CSTPP1: variants seen among roughly 807,000 people sequenced by gnomAD.
The protein encoded by CSTPP1 is UPF0705 protein C11orf49.
the CSTPP1 span, among the ~76,000 whole-genome samples, chr11:46,937,126 G>A: frequency 1.3e-5 from 2 of 152,230 alleles, no homozygotes; most frequent in Non-Finnish European, 2.9e-5. Flanking sequence ...TTGGGGCCCT[G>A]TTGGGGTATT....
At chr11:46,984,591 T>C in the CSTPP1 span, among the ~76,000 whole-genome samples, 1 of 152,046 alleles carries the variant, frequency 6.6e-6, no homozygotes, top group Non-Finnish European at 1.5e-5. Flanking sequence ...TCCTGCTTTT[T>C]TTTTCTAGAA....
the CSTPP1 span, among the ~76,000 whole-genome samples, chr11:47,136,924 C>A: frequency 6.6e-6 from 1 of 152,216 alleles, no homozygotes; most frequent in East Asian, 1.9e-4. Flanking sequence ...CTATAAATTT[C>A]TCTGAGATTC....
chr11:46,959,308 T>A, the CSTPP1 span, among the ~76,000 whole-genome samples: 1 of 152,110 alleles, frequency 6.6e-6, no homozygotes, highest in Non-Finnish European at 1.5e-5. Context: ...CTCAAGTTTT[T>A]GAAGCTACTT....
chr11:47,074,501 GAAAAAAAAAAA>G, the CSTPP1 span, among the ~76,000 whole-genome samples: 1 of 115,196 alleles, frequency 8.7e-6, no homozygotes, highest in African/African-American at 3.4e-5. Flanking sequence ...TCCTGTCTCA[GAAAAAAAAAAA>G]AAAAAAAAAC....
the CSTPP1 span, among the ~76,000 whole-genome samples, chr11:47,102,048 G>A: frequency 4.1e-4 from 63 of 152,194 alleles, 1 homozygote; most frequent in East Asian, 0.011. Context: ...AATAATGAAC[G>A]TAATTCTCCT....
the CSTPP1 span, among the ~76,000 whole-genome samples, chr11:47,046,030 CCG>C: frequency 1.3e-5 from 2 of 152,074 alleles, no homozygotes; most frequent in Non-Finnish European, 2.9e-5. Flanking sequence ...CATGATGCAC[CCG>C]CCTCAGCCTC....
the CSTPP1 span, among the ~76,000 whole-genome samples, chr11:46,990,646 G>C: frequency 6.6e-6 from 1 of 152,106 alleles, no homozygotes; most frequent in Non-Finnish European, 1.5e-5. Context: ...GGTCCCACTT[G>C]TCAGTTTTTG....
chr11:46,973,775 GGTGTATGTGTGTGTGTGTGT>G, the CSTPP1 span, among the ~76,000 whole-genome samples: 1 of 57,640 alleles, frequency 1.7e-5, no homozygotes, highest in Non-Finnish European at 3.5e-5. Context: ...TATACTGGAG[GGTGTATGTGTGTGTGTGTGT>G]GTGTCTGTGT....
chr11:46,969,571 A>G, the CSTPP1 span, among the ~76,000 whole-genome samples: 1 of 152,206 alleles, frequency 6.6e-6, no homozygotes, highest in African/African-American at 2.4e-5. Context: ...TCGTAGTGGC[A>G]CTATTCATAA....
the CSTPP1 span, among the ~76,000 whole-genome samples, chr11:46,974,353 C>T: frequency 1.6e-3 from 243 of 151,818 alleles, 1 homozygote; most frequent in Middle Eastern, 3.4e-3. Context: ...GATGGTGCAA[C>T]CCCGTCTCTA....
the CSTPP1 span, among the ~76,000 whole-genome samples, chr11:46,938,774 C>CTT: frequency 1.1e-5 from 1 of 90,934 alleles, no homozygotes; most frequent in Non-Finnish European, 2.5e-5. Context: ...TTTTTTTTTT[C>CTT]TTCTTCTTTT....
chr11:46,991,196 G>GT, the CSTPP1 span, among the ~76,000 whole-genome samples: 162 of 136,228 alleles, frequency 1.2e-3, no homozygotes, highest in South Asian at 3.7e-3. Flanking sequence ...CTTGAACATA[G>GT]TTTTTTTTTT....
chr11:46,986,576 C>A, the CSTPP1 span, among the ~76,000 whole-genome samples: 1 of 152,188 alleles, frequency 6.6e-6, no homozygotes, highest in South Asian at 2.1e-4. Flanking sequence ...TCCCCTGCCG[C>A]AGCTTCCTGA....
chr11:46,992,063 A>G, the CSTPP1 span, among the ~76,000 whole-genome samples: 1 of 152,024 alleles, frequency 6.6e-6, no homozygotes, highest in Admixed American at 6.6e-5. Flanking sequence ...TCATCTTTGC[A>G]TTCCTGGTAC....
chr11:47,071,346 G>A, the CSTPP1 span, among the ~76,000 whole-genome samples: 1 of 152,132 alleles, frequency 6.6e-6, no homozygotes, highest in East Asian at 1.9e-4. Context: ...ATGGCTGTGT[G>A]ACCATGGTCA....
At chr11:47,027,684 G>C in the CSTPP1 span, among the ~76,000 whole-genome samples, 1,125 of 152,262 alleles carry the variant, frequency 7.4e-3, 7 homozygotes, top group Non-Finnish European at 9.5e-3. Flanking sequence ...CTTTTTTGCT[G>C]TTGCAGAAAT....
the CSTPP1 span, among the ~76,000 whole-genome samples, chr11:47,101,181 TTTTTTTTTA>T: frequency 1.3e-3 from 125 of 96,260 alleles, 1 homozygote; most frequent in Non-Finnish European, 2.3e-3. Context: ...TTTTTTTTTT[TTTTTTTTTA>T]TTTTATTTTT....
chr11:47,080,380 G>A, the CSTPP1 span, among the ~76,000 whole-genome samples: 1 of 151,924 alleles, frequency 6.6e-6, no homozygotes, highest in South Asian at 2.1e-4. Flanking sequence ...GCTTGAACCC[G>A]GGAGATGGAG....
At chr11:47,094,615 T>C in the CSTPP1 span, among the ~76,000 whole-genome samples, 8 of 152,244 alleles carry the variant, frequency 5.3e-5, no homozygotes, top group East Asian at 1.5e-3. Flanking sequence ...TATAGTTTTT[T>C]GTATGTCAGT....
Sources: allele counts gnomAD v4.1 joint callset (sites outside exome capture counted in the v4.1 genomes callset), GRCh38; gene constraint gnomAD v4.1.1; transcripts MANE v1.5; gene names NCBI Gene and HGNC (gene_info 2026-07-23, HGNC 2026-07-21).